Variants in CREM observed in about 807,000 individuals in gnomAD.
CREM encodes cAMP responsive element modulator, also known as cAMP-responsive element modulator.
CREM carries 13 observed loss-of-function variants against 37.3 expected under a neutral mutation model. That is an observed-to-expected ratio of 0.35 (90% CI 0.23 to 0.55). The LOEUF is 0.55. Ranked by LOEUF, CREM falls within the 20% of genes least tolerant of loss-of-function variation. The probability of loss-of-function intolerance (pLI) is 0.88; values close to 1 mark genes in which losing one functional copy is unlikely to be tolerated. For synonymous variants in CREM, 124 were observed against 120.2 expected, an observed-to-expected ratio of 1.03 and a Z score of -0.21; for missense variants, 296 against 362.3, an observed-to-expected ratio of 0.82 and a Z score of 1.49.
intron 3 of CREM, chr10:35,154,225 G>A (rs1281901144): frequency 2.5e-6 from 1 of 394,142 alleles, no homozygotes; most frequent in African/African-American, 2.1e-5. Context: ...TCTCTGTTTT[G>A]CCCAGCTATG....
At chr10:35,179,488 C>A in intron 5 of CREM, 3 of 513,214 alleles carry the variant, frequency 5.8e-6, no homozygotes, top group Non-Finnish European at 9.2e-6. Context: ...TTTTGACTGC[C>A]GAATATAGAA....
rs979970841 is a variant in CREM, at chr10:35,210,376, G to C, written c.756-878G>C. The C allele has an allele frequency of 4.6e-5, 7 of 152,254 alleles. No individual in the cohort carries two copies. In the East Asian group the frequency reaches 9.6e-4, roughly 21 times the overall value. 9.4% of individuals were successfully genotyped at this position (152,254 alleles called of 1,614,324 possible). A position where few individuals can be genotyped will look rare whatever the true frequency, so the allele number is the denominator to read the frequency against. ...TTGGCTCTATTTATTGTTTTGGTGG[G>C]GTTATGTATGAAAATGACTAAGTCA... is the stretch of plus-strand genomic sequence containing the variant. On this transcript the variant is annotated intron_variant, in intron 7 of 7. Coordinates refer to ENST00000685392, the MANE Select transcript of CREM (RefSeq NM_183011.2).
chr10:35,164,197 TAAATG>T (rs1365892302), intron 3 of CREM, among the ~76,000 whole-genome samples: 4 of 152,220 alleles, frequency 2.6e-5, no homozygotes, highest in Non-Finnish European at 5.9e-5. Context: ...TTTCATAGAT[TAAATG>T]AGATGATTTG....
At chr10:35,170,207 C>T (rs963012990) in intron 3 of CREM, among the ~76,000 whole-genome samples, 1 of 152,060 alleles carries the variant, frequency 6.6e-6, no homozygotes, top group Non-Finnish European at 1.5e-5. Context: ...ACTCGTGATC[C>T]GCCTGCCTCA....
At position 35,188,383 on chromosome 10, in the gene CREM, T is replaced by C; in HGVS notation, c.593T>C (p.Val198Ala). The change falls in exon 6 of 8, where the codon GTT (valine) becomes GCT (alanine). Residue 198 changes from valine (V) to alanine (A), a missense_variant. Physicochemically the swap from Val to Ala is moderately conservative, Grantham distance 64 (BLOSUM62 0). Coordinates refer to ENST00000685392, the MANE Select transcript of CREM (RefSeq NM_183011.2). ...TTTGTCCCAGGCAGCCAGGTTGTTG[T>C]TCAAGGTATATTTTATTAATCTAAT... is the stretch of plus-strand genomic sequence containing the variant. ...QFFVPGSQVV[V>A]QAATGDMPTY... 6.2e-7 allele frequency: 1 copy of C among 1,611,270 alleles called. No individual in the cohort carries two copies. Among genetic ancestry groups the C allele is most frequent in the Non-Finnish European group, 8.5e-7 (1 of 1,178,700 alleles).
intron 1 of CREM, among the ~76,000 whole-genome samples, chr10:35,129,449 A>G (rs1317067016): frequency 6.6e-6 from 1 of 152,224 alleles, no homozygotes; most frequent in Non-Finnish European, 1.5e-5. Flanking sequence ...AGTAGGGAAG[A>G]GTTTTGAATT....
chr10:35,203,920 C>T (rs554210326), intron 6 of CREM, among the ~76,000 whole-genome samples: 2 of 152,246 alleles, frequency 1.3e-5, no homozygotes, highest in Admixed American at 1.3e-4. Context: ...CATATCCATG[C>T]TGCCTGCATG....
At chr10:35,160,409 C>CT (rs57952915) in intron 3 of CREM, among the ~76,000 whole-genome samples, 24,417 of 150,984 alleles carry the variant, frequency 0.16, 1,988 homozygotes, top group South Asian at 0.2. Context: ...TGTAGACTGT[C>CT]TTTTTTTTTA....
intron 1 of CREM, among the ~76,000 whole-genome samples, chr10:35,129,742 T>C (rs1046916116): frequency 6.6e-6 from 1 of 152,224 alleles, no homozygotes; most frequent in African/African-American, 2.4e-5. Flanking sequence ...ATTTTTATAT[T>C]TCCTTACCAA....
At chr10:35,175,777 TG>T in intron 3 of CREM, 1 of 1,613,766 alleles carries the variant, frequency 6.2e-7, no homozygotes, top group South Asian at 1.1e-5. Flanking sequence ...TATTAGTGAG[TG>T]GTATTACTTA....
intron 3 of CREM, among the ~76,000 whole-genome samples, chr10:35,159,997 T>G (rs900338196): frequency 6.6e-6 from 1 of 152,200 alleles, no homozygotes; most frequent in African/African-American, 2.4e-5. Flanking sequence ...GAGAAATGTG[T>G]TGTTAGGCAA....
At chr10:35,204,069 G>T (rs1351584329) in intron 6 of CREM, among the ~76,000 whole-genome samples, 1 of 151,994 alleles carries the variant, frequency 6.6e-6, no homozygotes, top group Non-Finnish European at 1.5e-5. Flanking sequence ...TGGGTGAAGA[G>T]AAAAAAGAGG....
chr10:35,194,850 A>T (rs2095080997), intron 6 of CREM, among the ~76,000 whole-genome samples: 1 of 151,978 alleles, frequency 6.6e-6, no homozygotes, highest in South Asian at 2.1e-4. Flanking sequence ...AACAATAATA[A>T]AGAAGTAGCC....
At chr10:35,205,048 C>G (rs1216347162) in intron 6 of CREM, among the ~76,000 whole-genome samples, 2 of 152,154 alleles carry the variant, frequency 1.3e-5, no homozygotes, top group Non-Finnish European at 2.9e-5. Context: ...TTTTCTTGCA[C>G]TTAGCTTTGA....
chr10:35,157,456 A>C (rs1314895817), intron 3 of CREM, among the ~76,000 whole-genome samples: 2 of 152,006 alleles, frequency 1.3e-5, no homozygotes, highest in Admixed American at 6.6e-5. Context: ...ACATGGTGAA[A>C]GCCTGTCTCT....
At chr10:35,173,943 C>G (rs1264673130) in intron 3 of CREM, among the ~76,000 whole-genome samples, 1 of 152,198 alleles carries the variant, frequency 6.6e-6, no homozygotes, top group African/African-American at 2.4e-5. Context: ...GAGTTAGTCA[C>G]TATAGAGGTG....
chr10:35,146,596 T>G (rs2092140081), intron 2 of CREM, among the ~76,000 whole-genome samples: 1 of 152,122 alleles, frequency 6.6e-6, no homozygotes, highest in South Asian at 2.1e-4. Context: ...GACCTATAAT[T>G]ACCTAGAATT....
Position 35,188,236 on chromosome 10 carries a change from A to C in CREM, c.446A>C (p.Asn149Thr), listed in dbSNP as rs11545324. The change falls in exon 6 of 8, where the codon AAC becomes ACC. Residue 149 changes from asparagine to threonine, a missense_variant. This residue lies in a region of CREM where 257 missense variants were observed against 280.2 expected (regional missense o/e 0.92). Transcript: ENST00000685392. ...IAQGGTIQIS[N>T]PGSDGVQGLQ... is the part of the protein sequence containing the mutation. ...CAAGGTGGAACAATCCAGATTTCTA[A>C]CCCAGGATCTGATGGTGTTCAGGGA... 2 of 1,613,986 alleles carry C rather than the reference A, an allele frequency of 1.2e-6. No individual in the cohort carries two copies. The highest frequency in any genetic ancestry group is 1.7e-6 in the Non-Finnish European group (2 of 1,179,984).
intron 3 of CREM, among the ~76,000 whole-genome samples, chr10:35,173,676 G>A (rs767806918): frequency 3.7e-4 from 56 of 152,060 alleles, no homozygotes; most frequent in Admixed American, 1.9e-3. Context: ...ATCTTTATCC[G>A]GCTTTGTGTT....
Sources: allele counts gnomAD v4.1 joint callset (sites outside exome capture counted in the v4.1 genomes callset), GRCh38; gene constraint gnomAD v4.1.1; regional missense constraint gnomAD v4.1.1; transcripts MANE v1.5; gene names NCBI Gene and HGNC (gene_info 2026-07-23, HGNC 2026-07-21).